The following CYYR1 variants were observed in gnomAD, a reference collection of about 807,000 sequenced individuals.
The protein encoded by CYYR1 is cysteine and tyrosine-rich protein 1.
Under a neutral mutation model 15.2 loss-of-function variants are expected in CYYR1, and 14 were observed. That is an observed-to-expected ratio of 0.92 (90% CI 0.61 to 1.44). The LOEUF is 1.44. Among genes scored for constraint, CYYR1 ranks in the 40% most tolerant of loss-of-function variants. The probability of loss-of-function intolerance (pLI) is 0.00; values close to 1 mark genes in which losing one functional copy is unlikely to be tolerated. For missense variants in CYYR1, 228 were observed against 209.5 expected, an observed-to-expected ratio of 1.09 and a Z score of -0.54; for synonymous variants, 80 against 77.4, an observed-to-expected ratio of 1.03 and a Z score of -0.18.
At chr21:26,472,132 T>C (rs758050547) in intron 3 of CYYR1, among the ~76,000 whole-genome samples, 1 of 152,212 alleles carries the variant, frequency 6.6e-6, no homozygotes, top group Non-Finnish European at 1.5e-5. Flanking sequence ...TGTGCGTAGT[T>C]GCATCCTTGC....
At chr21:26,561,356 T>A (rs1452844783) in intron 2 of CYYR1, among the ~76,000 whole-genome samples, 4 of 152,038 alleles carry the variant, frequency 2.6e-5, no homozygotes, top group Admixed American at 2.6e-4. Context: ...TTTAAATGCG[T>A]TACGTTTGTC....
intron 3 of CYYR1, 152 bp downstream of exon 3, chr21:26,480,120 G>T: frequency 1.4e-6 from 1 of 735,354 alleles, no homozygotes; most frequent in Non-Finnish European, 2.1e-6. Context: ...AAGCAATCTT[G>T]ATTCAGCTAG....
intron 2 of CYYR1, among the ~76,000 whole-genome samples, chr21:26,562,791 C>T (rs889061376): frequency 1.4e-5 from 1 of 70,572 alleles, no homozygotes; most frequent in Non-Finnish European, 2.8e-5. Context: ...CACACAGAGA[C>T]ATACACAAAC....
intron 2 of CYYR1, among the ~76,000 whole-genome samples, chr21:26,543,572 A>T (rs954929079): frequency 2.0e-5 from 3 of 152,172 alleles, no homozygotes; most frequent in Admixed American, 1.3e-4. Context: ...AGTTGCACAC[A>T]ATCATCTCTG....
At chr21:26,488,058 T>C (rs1446764414) in intron 2 of CYYR1, among the ~76,000 whole-genome samples, 1 of 152,072 alleles carries the variant, frequency 6.6e-6, no homozygotes, top group African/African-American at 2.4e-5. Context: ...AGATAACTTC[T>C]TTCTGTTAGC....
intron 2 of CYYR1, among the ~76,000 whole-genome samples, chr21:26,511,987 TACACAC>T (rs61382991): frequency 4.7e-5 from 7 of 148,122 alleles, no homozygotes; most frequent in East Asian, 2.0e-4. Context: ...ATATCACACA[TACACAC>T]ACACACACAC....
intron 2 of CYYR1, among the ~76,000 whole-genome samples, chr21:26,516,352 A>T (rs2065727199): frequency 6.6e-6 from 1 of 152,236 alleles, no homozygotes; most frequent in Admixed American, 6.5e-5. Context: ...GTCATTTGAT[A>T]AATATTAATG....
Position 26,504,381 on chromosome 21 carries a change from C to T in CYYR1, c.177-23952G>A, listed in dbSNP as rs1000929905. ...TGCCTCCCGGGTTCAAGCGATTCTC[C>T]TGCCTCAGCCTCCTGAGTAGCTGGG... On this transcript the variant is annotated intron_variant, in intron 2 of 3. Transcript: ENST00000652641. Among the ~76,000 whole-genome samples the T allele has an allele frequency of 4.6e-5, 7 of 152,118 alleles. No homozygotes were observed. The South Asian group carries it at 1.2e-3, about 27-fold the overall frequency.
At chr21:26,571,316 A>G (rs1212438417) in intron 1 of CYYR1, among the ~76,000 whole-genome samples, 1 of 152,264 alleles carries the variant, frequency 6.6e-6, no homozygotes, top group Non-Finnish European at 1.5e-5. Flanking sequence ...ACTGGCTTAC[A>G]ACTACTTTGT....
intron 2 of CYYR1, among the ~76,000 whole-genome samples, chr21:26,488,457 T>C (rs2065282806): frequency 1.3e-5 from 2 of 152,084 alleles, no homozygotes; most frequent in African/African-American, 4.8e-5. Flanking sequence ...TTTCGCTATG[T>C]TGCCAGGCTG....
chr21:26,564,833 G>T, intron 2 of CYYR1: 1 of 1,221,134 alleles, frequency 8.2e-7, no homozygotes, highest in Non-Finnish European at 1.1e-6. Context: ...CATCTGGTAT[G>T]TGGAGACAGT....
chr21:26,470,095 T>C (rs1173657492), intron 3 of CYYR1, among the ~76,000 whole-genome samples: 1 of 152,116 alleles, frequency 6.6e-6, no homozygotes, highest in Non-Finnish European at 1.5e-5. Context: ...GTCATAATAA[T>C]GCAAATAAGT....
intron 2 of CYYR1, among the ~76,000 whole-genome samples, chr21:26,518,158 A>G (rs1223124766): frequency 1.3e-5 from 2 of 152,234 alleles, no homozygotes; most frequent in Non-Finnish European, 2.9e-5. Context: ...TGTCTTGGTT[A>G]TGAAAGTAGA....
chr21:26,540,731 C>G (rs1273380321), intron 2 of CYYR1, among the ~76,000 whole-genome samples: 1 of 151,876 alleles, frequency 6.6e-6, no homozygotes, highest in African/African-American at 2.4e-5. Context: ...ACAGTGTATT[C>G]TTTTAAAAAA....
At chr21:26,503,898 C>T (rs1200688479) in intron 2 of CYYR1, among the ~76,000 whole-genome samples, 2 of 152,088 alleles carry the variant, frequency 1.3e-5, no homozygotes, top group Non-Finnish European at 2.9e-5. Context: ...TCGAGTCCTC[C>T]TATTAATTAT....
intron 2 of CYYR1, chr21:26,506,543 C>T (rs1569152538): frequency 6.6e-6 from 1 of 152,228 alleles, no homozygotes; most frequent in Admixed American, 6.5e-5. Flanking sequence ...CTCAACTTTC[C>T]TGAAGAAGGT....
Position 26,572,716 on chromosome 21 carries a change from T to C in CYYR1, c.73+152A>G. ...CCGCGTGCGGCTGGAAGTGCGCGGG[T>C]TTCTGCCGTCGCCTCGCGGAAAAGG... On this transcript the variant is annotated intron_variant, in intron 1 of 3. Transcript: ENST00000652641. 4 of 895,562 alleles carry C rather than the reference T, an allele frequency of 4.5e-6. No homozygotes were observed. The East Asian group carries it at 1.2e-4, about 27-fold the overall frequency. The allele number at this position is 895,562 out of a possible 1,614,324, so 55.5% of individuals were successfully genotyped here.
At chr21:26,521,878 T>C (rs1373640958) in intron 2 of CYYR1, among the ~76,000 whole-genome samples, 2 of 152,258 alleles carry the variant, frequency 1.3e-5, no homozygotes, top group African/African-American at 4.8e-5. Context: ...GTATTTTCAA[T>C]GTTTTTCTCT....
intron 1 of CYYR1, among the ~76,000 whole-genome samples, chr21:26,570,793 T>C (rs1161924254): frequency 1.3e-5 from 2 of 152,206 alleles, no homozygotes; most frequent in Admixed American, 6.5e-5. Context: ...CCATACCTCT[T>C]AGTTCCAACC....
Sources: gnomAD v4.1 joint callset for allele counts (sites outside exome capture counted in the v4.1 genomes callset) on GRCh38, gnomAD v4.1.1 for gene constraint, MANE v1.5 for transcripts, NCBI Gene and HGNC (gene_info 2026-07-23, HGNC 2026-07-21) for gene names.